Variants in SLC24A2 observed in about 807,000 individuals in gnomAD.
The protein encoded by SLC24A2 is solute carrier family 24 member 2.
Under a neutral mutation model 62.0 loss-of-function variants are expected in SLC24A2, and 36 were observed. The observed-to-expected ratio is 0.58, with a 90% CI of 0.44 to 0.77. The LOEUF (loss-of-function observed/expected upper bound fraction) is 0.77. Ranked by LOEUF, SLC24A2 falls within the 30% of genes least tolerant of loss-of-function variation. The pLI is 0.00. For synonymous variants in SLC24A2, 358 were observed against 294.0 expected (o/e 1.22, Z -2.23); for missense variants, 846 against 817.9 (o/e 1.03, Z -0.42).
chr9:20,150,011 G>A, the SLC24A2 span, among the ~76,000 whole-genome samples: 3 of 152,018 alleles, frequency 2.0e-5, no homozygotes, highest in African/African-American at 7.2e-5. Context: ...TGTGGCATGT[G>A]ACTATAGGAG....
the SLC24A2 span, among the ~76,000 whole-genome samples, chr9:19,883,788 A>T: frequency 6.6e-6 from 1 of 151,938 alleles, no homozygotes; most frequent in Non-Finnish European, 1.5e-5. Context: ...GATGGTCTTG[A>T]TCTCCTGACC....
chr9:19,722,729 C>A (rs888321507), intron 2 of SLC24A2, among the ~76,000 whole-genome samples: 1 of 151,332 alleles, frequency 6.6e-6, no homozygotes, highest in African/African-American at 2.4e-5. Context: ...GCCTATGCAA[C>A]GGAAATTCCA....
At chr9:19,558,969 A>G (rs1244126086) in intron 7 of SLC24A2, among the ~76,000 whole-genome samples, 1 of 152,204 alleles carries the variant, frequency 6.6e-6, no homozygotes, top group Non-Finnish European at 1.5e-5. Context: ...ATCGAGAGAC[A>G]AAGACCCACT....
At chr9:19,728,460 G>C in intron 2 of SLC24A2, among the ~76,000 whole-genome samples, 1 of 151,856 alleles carries the variant, frequency 6.6e-6, no homozygotes, top group East Asian at 1.9e-4. Flanking sequence ...CAGGGCTTCA[G>C]GTCGGTAATG....
At chr9:19,721,398 T>G (rs1417334627) in intron 2 of SLC24A2, among the ~76,000 whole-genome samples, 1 of 152,186 alleles carries the variant, frequency 6.6e-6, no homozygotes, top group South Asian at 2.1e-4. Flanking sequence ...TATTTGAAAT[T>G]ACTTATTATT....
chr9:20,132,581 C>T, the SLC24A2 span, among the ~76,000 whole-genome samples: 1 of 152,088 alleles, frequency 6.6e-6, no homozygotes, highest in Non-Finnish European at 1.5e-5. Flanking sequence ...AAATCTCACT[C>T]CCCAATGGCG....
At chr9:19,722,642 TA>T (rs1225144105) in intron 2 of SLC24A2, among the ~76,000 whole-genome samples, 1 of 107,230 alleles carries the variant, frequency 9.3e-6, no homozygotes, top group Non-Finnish European at 1.8e-5. Context: ...TCTGGGAAGT[TA>T]AGAAATAGGA....
rs888621958 is a variant in SLC24A2, at chr9:19,727,485, T to C, written c.930+58452A>G. 6.6e-5 allele frequency among the ~76,000 whole-genome samples: 10 copies of C among 152,264 alleles called. No homozygotes were observed. In the East Asian group the frequency reaches 1.7e-3, roughly 26 times the overall value. ...ATTTAGTTATTTATTTTGTACTGTC[T>C]TCCCTCCCCTACAAGAAGGGAAGCT... On this transcript the variant is annotated intron_variant, in intron 2 of 10. Coordinates refer to ENST00000341998, the MANE Select transcript of SLC24A2 (RefSeq NM_020344.4).
chr9:19,717,691 T>C (rs892803999), intron 2 of SLC24A2, among the ~76,000 whole-genome samples: 2 of 152,222 alleles, frequency 1.3e-5, no homozygotes, highest in African/African-American at 4.8e-5. Context: ...AATCTATTGC[T>C]TGAGATTCTA....
intron 4 of SLC24A2, among the ~76,000 whole-genome samples, chr9:19,605,193 C>A (rs1204768429): frequency 6.6e-6 from 1 of 152,212 alleles, no homozygotes; most frequent in African/African-American, 2.4e-5. Flanking sequence ...CCCCAAGTGA[C>A]ACCCAAAGGG....
At chr9:20,249,169 AAAGTATAT>A in the SLC24A2 span, among the ~76,000 whole-genome samples, 1 of 152,212 alleles carries the variant, frequency 6.6e-6, no homozygotes, top group East Asian at 1.9e-4. Flanking sequence ...CATGGATGAT[AAAGTATAT>A]AACTAACCTG....
At chr9:19,550,990 C>T (rs920601178) in intron 7 of SLC24A2, among the ~76,000 whole-genome samples, 6 of 152,054 alleles carry the variant, frequency 3.9e-5, no homozygotes, top group African/African-American at 1.4e-4. Flanking sequence ...CATTCCAAGC[C>T]CTCTCTTCTA....
the SLC24A2 span, among the ~76,000 whole-genome samples, chr9:20,304,807 TAA>T: frequency 6.6e-6 from 1 of 152,046 alleles, no homozygotes; most frequent in African/African-American, 2.4e-5. Context: ...GTAACTTGCC[TAA>T]AGTCTCAGGG....
At chr9:19,773,258 T>C (rs2118900270) in intron 2 of SLC24A2, among the ~76,000 whole-genome samples, 1 of 152,302 alleles carries the variant, frequency 6.6e-6, no homozygotes, top group Non-Finnish European at 1.5e-5. Flanking sequence ...TGACTCTGAA[T>C]GTATATGCTA....
the SLC24A2 span, among the ~76,000 whole-genome samples, chr9:19,950,076 G>C: frequency 6.6e-6 from 1 of 152,160 alleles, no homozygotes; most frequent in Non-Finnish European, 1.5e-5. Flanking sequence ...GTGGTTAAAA[G>C]GATAGATTCT....
At chr9:19,569,527 C>T (rs1001052738) in intron 7 of SLC24A2, among the ~76,000 whole-genome samples, 2 of 152,158 alleles carry the variant, frequency 1.3e-5, no homozygotes, top group African/African-American at 4.8e-5. Flanking sequence ...CTTCTCCTCC[C>T]CTCCACGTCT....
the SLC24A2 span, among the ~76,000 whole-genome samples, chr9:20,104,101 G>A: frequency 6.6e-6 from 1 of 152,300 alleles, no homozygotes; most frequent in African/African-American, 2.4e-5. Flanking sequence ...GGGTATCAGT[G>A]ATGGAAGATG....
At chr9:19,717,981 T>TTC (rs1334812623) in intron 2 of SLC24A2, among the ~76,000 whole-genome samples, 2 of 151,052 alleles carry the variant, frequency 1.3e-5, no homozygotes, top group Non-Finnish European at 2.9e-5. Context: ...AAACTTTTTT[T>TTC]TTTTTTTTTT....
chr9:20,267,940 A>T, the SLC24A2 span, among the ~76,000 whole-genome samples: 1 of 152,070 alleles, frequency 6.6e-6, no homozygotes, highest in South Asian at 2.1e-4. Context: ...CCCTCTCTCA[A>T]TTACCTTTAA....
Sources: allele counts gnomAD v4.1 joint callset (sites outside exome capture counted in the v4.1 genomes callset), GRCh38; gene constraint gnomAD v4.1.1; transcripts MANE v1.5; gene names NCBI Gene and HGNC (gene_info 2026-07-23, HGNC 2026-07-21).